The following CNTNAP2 variants were observed in gnomAD, a reference collection of about 807,000 sequenced individuals.
CNTNAP2 encodes contactin associated protein 2.
CNTNAP2 carries 98 observed loss-of-function variants against 155.2 expected under a neutral mutation model. The observed-to-expected ratio is 0.63, with a 90% confidence interval of 0.54 to 0.75. The LOEUF is 0.75. Ranked by LOEUF, CNTNAP2 falls within the 30% of genes least tolerant of loss-of-function variation. CNTNAP2 has a pLI of 0.00. For missense variants in CNTNAP2, 1,727 were observed against 1,688.1 expected (o/e 1.02, Z -0.40); for synonymous variants, 651 against 631.2 (o/e 1.03, Z -0.47).
At chr7:147,404,029 G>T (rs1796962044) in intron 10 of CNTNAP2, among the ~76,000 whole-genome samples, 1 of 152,028 alleles carries the variant, frequency 6.6e-6, no homozygotes, top group South Asian at 2.1e-4. Context: ...AACTGTGCAG[G>T]CATTTCTCTT....
At chr7:147,464,039 A>C in intron 10 of CNTNAP2, among the ~76,000 whole-genome samples, 1 of 150,148 alleles carries the variant, frequency 6.7e-6, no homozygotes, top group East Asian at 2.0e-4. Flanking sequence ...CAATTGTTTA[A>C]AGACAATACA....
intron 3 of CNTNAP2, among the ~76,000 whole-genome samples, chr7:146,945,426 G>A (rs1797143521): frequency 6.6e-6 from 1 of 152,134 alleles, no homozygotes; most frequent in Admixed American, 6.5e-5. Flanking sequence ...TGATGTTTAA[G>A]TATTTATGGT....
intron 12 of CNTNAP2, among the ~76,000 whole-genome samples, chr7:147,618,652 TAAC>T (rs1370328109): frequency 6.7e-6 from 1 of 149,636 alleles, no homozygotes; most frequent in African/African-American, 2.4e-5. Flanking sequence ...ATATATATAA[TAAC>T]AGCTATTATA....
At chr7:146,388,442 A>G (rs182838286) in intron 1 of CNTNAP2, among the ~76,000 whole-genome samples, 2 of 152,206 alleles carry the variant, frequency 1.3e-5, no homozygotes, top group East Asian at 3.9e-4. Flanking sequence ...CTTTAAAAAA[A>G]TAATATTTGT....
chr7:148,322,768 T>C (rs541834066), intron 21 of CNTNAP2, among the ~76,000 whole-genome samples: 2 of 148,558 alleles, frequency 1.3e-5, no homozygotes, highest in African/African-American at 5.0e-5. Context: ...TAAGTAGTTT[T>C]GTTTTGTTTT....
intron 13 of CNTNAP2, among the ~76,000 whole-genome samples, chr7:147,670,398 C>T (rs1795767804): frequency 6.6e-6 from 1 of 152,164 alleles, no homozygotes; most frequent in Non-Finnish European, 1.5e-5. Context: ...AAACCCCACC[C>T]TCAAGCCTGG....
intron 3 of CNTNAP2, among the ~76,000 whole-genome samples, chr7:147,035,171 T>G (rs1799130759): frequency 6.6e-6 from 1 of 152,078 alleles, no homozygotes; most frequent in African/African-American, 2.4e-5. Context: ...CGAGGCAAGG[T>G]CCCTCCTGTC....
intron 13 of CNTNAP2, among the ~76,000 whole-genome samples, chr7:147,839,842 G>A (rs937364270): frequency 6.6e-6 from 1 of 152,046 alleles, no homozygotes; most frequent in Non-Finnish European, 1.5e-5. Context: ...ATCACCGTAA[G>A]TGTCTAATGG....
intron 13 of CNTNAP2, among the ~76,000 whole-genome samples, chr7:147,686,248 T>C (rs1374562645): frequency 2.0e-5 from 3 of 151,948 alleles, no homozygotes; most frequent in Non-Finnish European, 2.9e-5. Flanking sequence ...GTATTCAATA[T>C]GAAATATGAC....
At chr7:148,052,974 G>C (rs1456360199) in intron 15 of CNTNAP2, among the ~76,000 whole-genome samples, 1 of 152,188 alleles carries the variant, frequency 6.6e-6, no homozygotes, top group Non-Finnish European at 1.5e-5. Flanking sequence ...TTGAAACCAG[G>C]AGGCAGAAAT....
At chr7:146,585,194 T>C (rs1447677052) in intron 1 of CNTNAP2, among the ~76,000 whole-genome samples, 1 of 152,118 alleles carries the variant, frequency 6.6e-6, no homozygotes, top group Non-Finnish European at 1.5e-5. Flanking sequence ...CGATCTCGGC[T>C]CACTGCAACC....
chr7:147,400,060 C>T (rs991891554), intron 10 of CNTNAP2, among the ~76,000 whole-genome samples: 2 of 152,184 alleles, frequency 1.3e-5, no homozygotes, highest in Non-Finnish European at 2.9e-5. Context: ...CTGCTTGTGG[C>T]AAACATCTTA....
intron 1 of CNTNAP2, among the ~76,000 whole-genome samples, chr7:146,529,207 G>A (rs919538457): frequency 2.0e-5 from 3 of 152,144 alleles, no homozygotes; most frequent in East Asian, 1.9e-4. Flanking sequence ...GAGAAACTTC[G>A]TGTTTATTTG....
chr7:147,341,555 T>C (rs1044334029), intron 9 of CNTNAP2, among the ~76,000 whole-genome samples: 1 of 152,136 alleles, frequency 6.6e-6, no homozygotes, highest in African/African-American at 2.4e-5. Context: ...TCACAACTTA[T>C]TTAGGTTGAT....
At chr7:147,601,656 T>A (rs867560966) in intron 12 of CNTNAP2, among the ~76,000 whole-genome samples, 25,771 of 136,150 alleles carry the variant, frequency 0.19, 2,788 homozygotes, top group East Asian at 0.28. Context: ...TATATATATA[T>A]ATATATATAT....
At chr7:147,667,371 G>T (rs1326623072) in intron 13 of CNTNAP2, among the ~76,000 whole-genome samples, 1 of 152,152 alleles carries the variant, frequency 6.6e-6, no homozygotes, top group Non-Finnish European at 1.5e-5. Flanking sequence ...CTGGATGTCA[G>T]GTTTTTAAGG....
At chr7:146,791,221 G>A (rs1227432652) in intron 2 of CNTNAP2, among the ~76,000 whole-genome samples, 2 of 152,078 alleles carry the variant, frequency 1.3e-5, no homozygotes, top group Non-Finnish European at 2.9e-5. Flanking sequence ...TTAGTTTGCT[G>A]AGAATGGCGG....
rs752668244 is a variant in CNTNAP2 at position 148,267,093 on chromosome 7, T to C, written c.3442T>C (p.Ser1148Pro). The change falls in exon 21 of 24, where the codon TCT becomes CCT. Residue 1148 changes from serine (S) to proline (P), a missense_variant. Ser to Pro is a moderately conservative substitution (Grantham distance 74). Coordinates refer to ENST00000361727, the MANE Select transcript of CNTNAP2 (RefSeq NM_014141.6). Reference protein sequence around the residue: ...LPSSSDTLFNSPKSLFLGKVI... With the variant: ...LPSSSDTLFNPPKSLFLGKVI... ...AAGTTCATCCGACACCCTCTTCAAT[T>C]CTCCCAAGTCGCTCTTTCTGGGAAA... is the stretch of plus-strand genomic sequence containing the variant. 2.5e-6 allele frequency: 4 copies of C among 1,614,090 alleles called. No individual in the cohort carries two copies. Among genetic ancestry groups the C allele is most frequent in the Non-Finnish European group, 2.5e-6 (3 of 1,180,006 alleles).
At chr7:147,058,688 C>T (rs1031110403) in intron 4 of CNTNAP2, among the ~76,000 whole-genome samples, 1 of 146,932 alleles carries the variant, frequency 6.8e-6, no homozygotes, top group Admixed American at 6.7e-5. Flanking sequence ...CTCACTGCAA[C>T]CTCTGCCTCC....
Sources: allele counts gnomAD v4.1 joint callset (sites outside exome capture counted in the v4.1 genomes callset), GRCh38; gene constraint gnomAD v4.1.1; transcripts MANE v1.5; gene names NCBI Gene and HGNC (gene_info 2026-07-23, HGNC 2026-07-21).